PDE10A: variants seen among roughly 807,000 people sequenced by gnomAD.
The protein encoded by PDE10A is phosphodiesterase 10A.
A neutral mutation model predicts 97.7 loss-of-function variants in PDE10A; 39 were observed. That is an observed-to-expected ratio of 0.40 (90% CI 0.31 to 0.52). The LOEUF (loss-of-function observed/expected upper bound fraction) is 0.52. PDE10A is among the 20% of genes least tolerant of loss of function. PDE10A has a pLI of 0.56. For missense variants in PDE10A, 731 were observed against 1,047.8 expected, an observed-to-expected ratio of 0.70 and a Z score of 4.17; for synonymous variants, 371 against 376.8, an observed-to-expected ratio of 0.98 and a Z score of 0.18.
In PDE10A at chr6:165,388,385, C is replaced by T; in HGVS notation, c.2523G>A (p.Leu841=). Reference sequence around the variant, plus strand: ...CGGCCAGAGGGTGGTCGAACTTCTGCAGGTAGCTGTTACTGAAGCCCCTGT... The same window carrying T: ...CGGCCAGAGGGTGGTCGAACTTCTGTAGGTAGCTGTTACTGAAGCCCCTGT... ...LDHRGFSNSY[L]QKFDHPLAAL... is the part of the protein sequence containing the mutation. The change falls in exon 17 of 22, where the codon CTG becomes CTA. Residue 841 remains leucine, a synonymous_variant. Transcript: ENST00000539869. This position sits in a 1 kb window ranked among gnomAD's most constrained non-coding sequence, Gnocchi z 4.0. 1 of 1,614,074 alleles carries T rather than the reference C, an allele frequency of 6.2e-7. No individual in the cohort carries two copies. The highest frequency in any genetic ancestry group is 8.5e-7 in the Non-Finnish European group (1 of 1,179,940).
chr6:165,608,094 G>GTATATATATA (rs1172743361), intron 1 of PDE10A, among the ~76,000 whole-genome samples: 124 of 144,372 alleles, frequency 8.6e-4, no homozygotes, highest in South Asian at 1.7e-3. Context: ...ATATATATGT[G>GTATATATATA]CATATATATA....
rs201911616 is a variant in PDE10A at position 165,659,354 on chromosome 6, T to C, written c.865+2593A>G. ...TGGCCATTCTAAAATTTTTAAAGAA[T>C]CTAGAAATTCTTTTTCAAAAGACTG... On this transcript the variant is annotated intron_variant, in intron 1 of 21. Coordinates refer to ENST00000539869, the MANE Select transcript of PDE10A (RefSeq NM_001385079.1). Among the ~76,000 whole-genome samples, 9 of 152,126 alleles carry C rather than the reference T, an allele frequency of 5.9e-5. No individual in the cohort carries two copies. The East Asian group carries it at 1.7e-3, about 29-fold the overall frequency.
At chr6:165,612,837 C>A (rs1404136847) in intron 1 of PDE10A, among the ~76,000 whole-genome samples, 1 of 152,168 alleles carries the variant, frequency 6.6e-6, no homozygotes, top group East Asian at 1.9e-4. Flanking sequence ...TAACTATAAA[C>A]CTATCAACAC....
At chr6:165,767,164 C>T (rs563326717) in intron 1 of PDE10A, among the ~76,000 whole-genome samples, 59 of 152,084 alleles carry the variant, frequency 3.9e-4, no homozygotes, top group African/African-American at 1.3e-3. Context: ...CCTTAAGTTC[C>T]CTAAAAGACT....
intron 1 of PDE10A, among the ~76,000 whole-genome samples, chr6:165,893,186 A>G (rs1382453002): frequency 6.6e-6 from 1 of 152,260 alleles, no homozygotes; most frequent in Non-Finnish European, 1.5e-5. Context: ...AATAATACAT[A>G]ACCACAGCGC....
At chr6:165,853,522 ATAT>A (rs1481152406) in intron 1 of PDE10A, among the ~76,000 whole-genome samples, 1 of 152,182 alleles carries the variant, frequency 6.6e-6, no homozygotes, top group Non-Finnish European at 1.5e-5. Context: ...TCCATTCAGG[ATAT>A]TATTTTGTAT....
At chr6:165,847,908 G>T (rs1285725209) in intron 1 of PDE10A, among the ~76,000 whole-genome samples, 1 of 152,172 alleles carries the variant, frequency 6.6e-6, no homozygotes, top group African/African-American at 2.4e-5. Context: ...ACACATTATT[G>T]CATTCAATGG....
At chr6:165,581,388 C>A (rs1019663418) in intron 1 of PDE10A, among the ~76,000 whole-genome samples, 3 of 152,154 alleles carry the variant, frequency 2.0e-5, no homozygotes, top group African/African-American at 7.2e-5. Flanking sequence ...AGTGCCCTCA[C>A]AAGAGCTGAG....
At chr6:165,393,885 T>C (rs1785919467) in intron 15 of PDE10A, among the ~76,000 whole-genome samples, 2 of 152,170 alleles carry the variant, frequency 1.3e-5, no homozygotes, top group African/African-American at 4.8e-5. Context: ...GAAAGGCCTC[T>C]AGGACAGGCC....
chr6:165,899,213 A>G (rs1782036373), intron 1 of PDE10A, among the ~76,000 whole-genome samples: 1 of 152,194 alleles, frequency 6.6e-6, no homozygotes, highest in South Asian at 2.1e-4. Context: ...GAATCTAGGT[A>G]TTTTATTGTT....
chr6:165,430,645 A>T (rs1040409291), intron 8 of PDE10A, among the ~76,000 whole-genome samples: 23 of 152,152 alleles, frequency 1.5e-4, no homozygotes, highest in African/African-American at 5.3e-4. Flanking sequence ...AGAATTAATA[A>T]GTGATAGAAG....
rs191004963 is a variant in PDE10A at position 165,941,303 on chromosome 6, G to T, written c.-615+46226C>A. On this transcript the variant is annotated intron_variant, in intron 1 of 19. Coordinates refer to the PDE10A transcript ENST00000366882. ...ACATCCAAAGAGAAAAAATGGACTC[G>T]GGCCTTTCTGAAATCAATAAAAATC... is the stretch of plus-strand genomic sequence containing the variant. 1.4e-3 allele frequency among the ~76,000 whole-genome samples: 206 copies of T among 152,150 alleles called. 2 individuals are homozygous for T. Among genetic ancestry groups the T allele is most frequent in the Middle Eastern group, 3.4e-3 (1 of 294 alleles).
intron 1 of PDE10A, among the ~76,000 whole-genome samples, chr6:165,730,032 C>T (rs574188812): frequency 7.2e-5 from 11 of 151,740 alleles, no homozygotes; most frequent in Non-Finnish European, 1.5e-4. Context: ...CAAGAGATAT[C>T]TTGGAGATAT....
At chr6:165,730,755 A>AAAAAG (rs1244973759) in intron 1 of PDE10A, among the ~76,000 whole-genome samples, 2 of 149,238 alleles carry the variant, frequency 1.3e-5, no homozygotes, top group Non-Finnish European at 3.0e-5. Context: ...TCCACCAAAA[A>AAAAAG]AAAAAAAAAT....
intron 1 of PDE10A, among the ~76,000 whole-genome samples, chr6:165,547,387 G>C (rs930188130): frequency 6.6e-6 from 1 of 152,112 alleles, no homozygotes; most frequent in African/African-American, 2.4e-5. Flanking sequence ...AAGAGCTGAT[G>C]AATTTCATTA....
At chr6:165,420,640 A>T (rs1022501182) in intron 10 of PDE10A, among the ~76,000 whole-genome samples, 1 of 152,234 alleles carries the variant, frequency 6.6e-6, no homozygotes, top group Non-Finnish European at 1.5e-5. Flanking sequence ...AAATATGTTA[A>T]TATTTGTTTA....
chr6:165,672,039 C>T (rs900405612), intron 1 of PDE10A, among the ~76,000 whole-genome samples: 5 of 152,074 alleles, frequency 3.3e-5, no homozygotes, highest in Admixed American at 2.6e-4. Context: ...CTGATTTAAG[C>T]AAATCTCATA....
chr6:165,390,670 G>C (rs945443706), intron 16 of PDE10A, among the ~76,000 whole-genome samples: 1 of 152,176 alleles, frequency 6.6e-6, no homozygotes, highest in African/African-American at 2.4e-5. Context: ...GAAGGTTTAA[G>C]GAAGTGTGCA....
intron 1 of PDE10A, among the ~76,000 whole-genome samples, chr6:165,963,377 G>A (rs1450578080): frequency 6.6e-6 from 1 of 152,200 alleles, no homozygotes; most frequent in Non-Finnish European, 1.5e-5. Context: ...AGGCCTAGTA[G>A]GAGCTGCTAT....
Sources: allele counts gnomAD v4.1 joint callset (sites outside exome capture counted in the v4.1 genomes callset), GRCh38; gene constraint gnomAD v4.1.1; non-coding constraint Gnocchi (gnomAD v3.1); transcripts MANE v1.5; gene names NCBI Gene and HGNC (gene_info 2026-07-23, HGNC 2026-07-21).